Variants in ITIH2 observed in about 807,000 individuals in gnomAD.
The protein encoded by ITIH2 is inter-alpha-trypsin inhibitor heavy chain 2, also known as inter-alpha-trypsin inhibitor heavy chain H2.
A neutral mutation model predicts 104.4 loss-of-function variants in ITIH2; 103 were observed. That is an observed-to-expected ratio of 0.99 (90% CI 0.84 to 1.16). ITIH2 has a LOEUF of 1.16. Among genes scored for constraint, ITIH2 ranks in the 50% most tolerant of loss-of-function variants. The probability of loss-of-function intolerance (pLI) is 0.00; values close to 1 mark genes in which losing one functional copy is unlikely to be tolerated. For missense variants in ITIH2, 1,108 were observed against 1,162.4 expected, an observed-to-expected ratio of 0.95 and a Z score of 0.68; for synonymous variants, 436 against 435.4, an observed-to-expected ratio of 1.00 and a Z score of -0.02.
At position 7,705,108 on chromosome 10, in the gene ITIH2, T is replaced by C; in HGVS notation, c.85T>C (p.Phe29Leu). 6.3e-7 allele frequency: 1 copy of C among 1,598,972 alleles called. No homozygotes were observed. Among genetic ancestry groups the C allele is most frequent in the Non-Finnish European group, 8.5e-7 (1 of 1,172,370 alleles). ...FEIPINGLSE[F>L]VDYEDLVELA... ...AGTTAAAATCCTAATTTTTTTTAAG[T>C]TTGTAGACTATGAAGATCTTGTGGA... Residue 29 changes from phenylalanine (F) to leucine (L), a missense_variant and splice_region_variant, in exon 2 of 21, where the codon TTT becomes CTT. By Grantham distance (22) the Phe-to-Leu change is conservative. Transcript: ENST00000358415.
intron 1 of ITIH2, among the ~76,000 whole-genome samples, chr10:7,704,423 T>C (rs1406991752): frequency 2.6e-5 from 4 of 152,256 alleles, no homozygotes; most frequent in Non-Finnish European, 4.4e-5. Flanking sequence ...CAGTCATTTC[T>C]AACTGGCATT....
chr10:7,746,958 T>C (rs1001496818), intron 20 of ITIH2, among the ~76,000 whole-genome samples: 2 of 152,186 alleles, frequency 1.3e-5, no homozygotes, highest in Non-Finnish European at 2.9e-5. Context: ...CTTCATACTT[T>C]AGAAGCCCTC....
At chr10:7,713,326 G>A in intron 5 of ITIH2, 41 bp downstream of exon 5, 2 of 1,486,376 alleles carry the variant, frequency 1.3e-6, no homozygotes, top group South Asian at 1.2e-5. Context: ...GCCTCTCAAT[G>A]ACGGTTTCCT....
At chr10:7,741,402 A>T (rs1052121627) in intron 16 of ITIH2, among the ~76,000 whole-genome samples, 1 of 151,988 alleles carries the variant, frequency 6.6e-6, no homozygotes, top group African/African-American at 2.4e-5. Context: ...CTGGTCTCGA[A>T]TGCCTGACCT....
intron 14 of ITIH2, among the ~76,000 whole-genome samples, chr10:7,733,908 T>G (rs1303455399): frequency 6.6e-6 from 1 of 151,868 alleles, no homozygotes; most frequent in Non-Finnish European, 1.5e-5. Flanking sequence ...GGCTGTAAAC[T>G]ATGACTGTGA....
chr10:7,720,275 C>T (rs187576142), intron 6 of ITIH2, among the ~76,000 whole-genome samples: 2 of 152,146 alleles, frequency 1.3e-5, no homozygotes, highest in East Asian at 1.9e-4. Flanking sequence ...CATTTGTACT[C>T]CTTAAATTTA....
chr10:7,719,760 CAAAAAAA>C (rs71385664), intron 6 of ITIH2, among the ~76,000 whole-genome samples: 23 of 41,708 alleles, frequency 5.5e-4, no homozygotes, highest in East Asian at 1.5e-3. Flanking sequence ...GACCCTGTCT[CAAAAAAA>C]AAAAAAAAAA....
At chr10:7,705,768 T>C (rs551292345) in intron 2 of ITIH2, among the ~76,000 whole-genome samples, 13 of 151,996 alleles carry the variant, frequency 8.6e-5, no homozygotes, top group Non-Finnish European at 1.3e-4. Context: ...TCCGAAATTA[T>C]TTCCTGCCTT....
At chr10:7,748,029 A>AC (rs1050885098) in intron 20 of ITIH2, among the ~76,000 whole-genome samples, 17 of 147,732 alleles carry the variant, frequency 1.2e-4, no homozygotes, top group East Asian at 2.0e-4. Context: ...ACATGTTGAA[A>AC]CCCCCCCCAT....
intron 14 of ITIH2, among the ~76,000 whole-genome samples, chr10:7,734,211 G>A (rs935422227): frequency 6.6e-6 from 1 of 152,140 alleles, no homozygotes; most frequent in African/African-American, 2.4e-5. Context: ...TGTGGACTCT[G>A]CGTGATAATG....
chr10:7,719,541 AT>A (rs2130945933), intron 6 of ITIH2, among the ~76,000 whole-genome samples: 1 of 152,192 alleles, frequency 6.6e-6, no homozygotes, highest in South Asian at 2.1e-4. Flanking sequence ...TAATAACAAT[AT>A]TAATAAAAAC....
chr10:7,733,464 C>T (rs993994414), intron 14 of ITIH2, among the ~76,000 whole-genome samples: 1 of 152,204 alleles, frequency 6.6e-6, no homozygotes, highest in African/African-American at 2.4e-5. Flanking sequence ...TTATGGTGTT[C>T]CCTAAGGAAG....
At chr10:7,714,452 G>C (rs7906651) in intron 5 of ITIH2, among the ~76,000 whole-genome samples, 2 of 152,062 alleles carry the variant, frequency 1.3e-5, no homozygotes, top group East Asian at 3.9e-4. Flanking sequence ...GATTACAGGC[G>C]TGAGCCACTG....
intron 6 of ITIH2, among the ~76,000 whole-genome samples, chr10:7,719,760 CAA>C (rs71385664): frequency 7.3e-3 from 304 of 41,668 alleles, no homozygotes; most frequent in Non-Finnish European, 0.011. Flanking sequence ...GACCCTGTCT[CAA>C]AAAAAAAAAA....
intron 15 of ITIH2, among the ~76,000 whole-genome samples, chr10:7,737,678 T>TCTATAGAATA (rs754418959): frequency 1.3e-4 from 2 of 15,658 alleles, no homozygotes; most frequent in Non-Finnish European, 2.1e-4. Flanking sequence ...TATTCTATAT[T>TCTATAGAATA]TTCTATATTA....
At chr10:7,739,192 A>G (rs1023431905) in intron 16 of ITIH2, among the ~76,000 whole-genome samples, 30 of 152,146 alleles carry the variant, frequency 2.0e-4, no homozygotes, top group Admixed American at 1.7e-3. Flanking sequence ...CCCCGGGGAA[A>G]TGGGAGGGAG....
At chr10:7,744,568 C>G (rs944367863) in intron 18 of ITIH2, among the ~76,000 whole-genome samples, 1 of 152,214 alleles carries the variant, frequency 6.6e-6, no homozygotes, top group African/African-American at 2.4e-5. Context: ...CATACTGACT[C>G]TATCGCAGAG....
intron 16 of ITIH2, among the ~76,000 whole-genome samples, chr10:7,741,177 T>G (rs1458916611): frequency 7.0e-6 from 1 of 142,840 alleles, no homozygotes; most frequent in African/African-American, 2.7e-5. Flanking sequence ...TTTAAGGTTT[T>G]TTTTTTTTTT....
intron 18 of ITIH2, among the ~76,000 whole-genome samples, 179 bp from the exon 19 acceptor site, chr10:7,744,612 T>C (rs1225104721): frequency 2.0e-5 from 3 of 152,240 alleles, no homozygotes; most frequent in Non-Finnish European, 4.4e-5. Context: ...GTCCTCTGCG[T>C]AGAAGCTTCC....
Sources: gnomAD v4.1 joint callset for allele counts (sites outside exome capture counted in the v4.1 genomes callset) on GRCh38, gnomAD v4.1.1 for gene constraint, MANE v1.5 for transcripts, NCBI Gene and HGNC (gene_info 2026-07-23, HGNC 2026-07-21) for gene names.